TDRD7: variants seen among roughly 807,000 people sequenced by gnomAD.
The protein encoded by TDRD7 is tudor domain containing 7, also known as tudor domain-containing protein 7.
In TDRD7, 47 loss-of-function variants were observed where a neutral mutation model predicts 109.8. The observed-to-expected ratio is 0.43, with a 90% CI of 0.34 to 0.55. The LOEUF (loss-of-function observed/expected upper bound fraction) is 0.55. Among genes scored for constraint, TDRD7 ranks in the 20% least tolerant of loss-of-function variants. The probability of loss-of-function intolerance (pLI) is 0.03; values close to 1 mark genes in which losing one functional copy is unlikely to be tolerated. For synonymous variants in TDRD7, 424 were observed against 457.3 expected, an observed-to-expected ratio of 0.93 and a Z score of 0.93; for missense variants, 1,164 against 1,319.2, an observed-to-expected ratio of 0.88 and a Z score of 1.82.
At chr9:97,494,074 A>T (rs981433552) in intron 16 of TDRD7, among the ~76,000 whole-genome samples, 16 of 152,210 alleles carry the variant, frequency 1.1e-4, no homozygotes, top group African/African-American at 2.2e-4. Flanking sequence ...TTAAGAGATT[A>T]AAGTAAAGAC....
intron 16 of TDRD7, among the ~76,000 whole-genome samples, chr9:97,489,352 T>C (rs1447375915): frequency 6.6e-6 from 1 of 152,200 alleles, no homozygotes; most frequent in African/African-American, 2.4e-5. Flanking sequence ...CATTAAGGAT[T>C]AGTATGTCGT....
intron 2 of TDRD7, among the ~76,000 whole-genome samples, chr9:97,430,634 C>T (rs1828087001): frequency 6.6e-6 from 1 of 152,052 alleles, no homozygotes; most frequent in Admixed American, 6.6e-5. Flanking sequence ...TCATAGGTTG[C>T]TTTTTGTTCA....
chr9:97,445,288 G>C (rs199972777), intron 6 of TDRD7, among the ~76,000 whole-genome samples: 1 of 33,608 alleles, frequency 3.0e-5, no homozygotes, highest in African/African-American at 1.6e-4. Flanking sequence ...TGTTGTATTT[G>C]ACTTGACTGG....
At chr9:97,418,156 A>G (rs1827841015) in intron 1 of TDRD7, among the ~76,000 whole-genome samples, 1 of 152,172 alleles carries the variant, frequency 6.6e-6, no homozygotes, top group Non-Finnish European at 1.5e-5. Flanking sequence ...GAAAGTAGGA[A>G]GTATGTGTGT....
rs148039648 is a variant in TDRD7 at position 97,428,664 on chromosome 9, T to C, written c.199T>C (p.Ser67Pro). The change falls in exon 2 of 17, where the codon TCT (serine) becomes CCT (proline). Residue 67 changes from serine (S) to proline (P), a missense_variant. Physicochemically the swap from Ser to Pro is moderately conservative, Grantham distance 74. Transcript: ENST00000355295. ...AGTGGTCAGGATAGAGACTAGTAGA[T>C]CTGGAGAGGTAAGAAGGTAATTGTG... The part of the protein sequence containing the change: ...PAVVRIETSR[S>P]GEITCYAMAC... 9.9e-5 allele frequency: 159 copies of C among 1,613,428 alleles called. No individual in the cohort carries two copies. Among genetic ancestry groups the C allele is most frequent in the Non-Finnish European group, 1.2e-4 (147 of 1,179,866 alleles).
At chr9:97,480,744 T>C (rs1238941125) in intron 13 of TDRD7, 84 bp from the exon 14 acceptor site, 1 of 1,138,866 alleles carries the variant, frequency 8.8e-7, no homozygotes, top group Admixed American at 1.7e-5. Context: ...TACCATTTGA[T>C]TTGTAGGAAA....
chr9:97,437,262 G>T (rs1390607208), intron 4 of TDRD7, among the ~76,000 whole-genome samples: 1 of 152,146 alleles, frequency 6.6e-6, no homozygotes, highest in Admixed American at 6.6e-5. Context: ...GCCATGGCTG[G>T]GATCTTATCT....
At chr9:97,467,240 TA>T (rs1294987029) in intron 8 of TDRD7, among the ~76,000 whole-genome samples, 1 of 152,214 alleles carries the variant, frequency 6.6e-6, no homozygotes, top group African/African-American at 2.4e-5. Flanking sequence ...GAATCATACG[TA>T]AATCCTAATG....
chr9:97,412,364 C>G lies in TDRD7; in HGVS notation c.-7+126C>G, dbSNP rs1011106069. 2 of 152,218 alleles carry G rather than the reference C, an allele frequency of 1.3e-5. No homozygotes were observed. Among genetic ancestry groups the G allele is most frequent in the Admixed American group, 1.3e-4 (2 of 15,282 alleles). 9.4% of individuals were successfully genotyped at this position (152,218 alleles called of 1,614,324 possible). A position where few individuals can be genotyped will look rare whatever the true frequency, so the allele number is the denominator to read the frequency against. ...GGCCAGGGCCGGGGGCTCCAACAGG[C>G]TCGGGGCCTTTTCCCTGCAGCCGCA... On this transcript the variant is annotated intron_variant, in intron 1 of 16. Coordinates refer to ENST00000355295, the MANE Select transcript of TDRD7 (RefSeq NM_014290.3). The surrounding 1 kb of genome is among the most constrained non-coding windows in gnomAD (Gnocchi z 4.3).
rs1323472138 is a variant in TDRD7, at chr9:97,460,188, C to T, written c.866C>T (p.Pro289Leu). 1.2e-6 allele frequency: 2 copies of T among 1,614,088 alleles called. No individual in the cohort carries two copies. The highest frequency in any genetic ancestry group is 3.3e-5 in the Admixed American group (2 of 60,026). ...HWPHICTVEKPCSGGQDLLLY... is the reference protein window; with the variant it reads ...HWPHICTVEKLCSGGQDLLLY... ...ATTTAAAAATTTCAGGTGGAGAAACCTTGCAGTGGTGGCCAAGATTTACTT... is the reference window on the plus strand; with the variant it reads ...ATTTAAAAATTTCAGGTGGAGAAACTTTGCAGTGGTGGCCAAGATTTACTT... The change falls in exon 7 of 17, where the codon CCT becomes CTT. Residue 289 changes from proline (P) to leucine (L), a missense_variant. Around this residue, in one of 5 missense-constraint regions of TDRD7, gnomAD observed 407 missense variants for 394.0 expected, o/e 1.03. Transcript: ENST00000355295.
intron 6 of TDRD7, among the ~76,000 whole-genome samples, chr9:97,451,687 T>C (rs1334260599): frequency 6.6e-6 from 1 of 152,244 alleles, no homozygotes; most frequent in Non-Finnish European, 1.5e-5. Context: ...GAACCCCAGC[T>C]TGATCCAGGT....
chr9:97,418,118 C>CT (rs1406867656), intron 1 of TDRD7, among the ~76,000 whole-genome samples: 2 of 152,102 alleles, frequency 1.3e-5, no homozygotes, highest in Non-Finnish European at 2.9e-5. Flanking sequence ...GAGCAAGACT[C>CT]TATCTGGGGG....
In TDRD7 at chr9:97,475,556, A is replaced by G. The variant is rs1158534418; in HGVS notation, c.2166+87A>G. 20 of 927,382 alleles carry G rather than the reference A, an allele frequency of 2.2e-5. No individual in the cohort carries two copies. In the East Asian group the frequency reaches 5.0e-4, roughly 23 times the overall value. 57.4% of individuals were successfully genotyped at this position (927,382 alleles called of 1,614,324 possible). ...ATAGGTTTTTTTAAAAAATTGAATA[A>G]ATACTCACAGACTCATCATCAGTTT... On this transcript the variant is annotated intron_variant, in intron 12 of 16. Transcript: ENST00000355295.
chr9:97,484,486 A>C (rs1471932519), intron 15 of TDRD7, among the ~76,000 whole-genome samples: 13 of 149,416 alleles, frequency 8.7e-5, no homozygotes, highest in Admixed American at 1.3e-4. Flanking sequence ...ACACACACAC[A>C]CACACACCCC....
At position 97,460,381 on chromosome 9, in the gene TDRD7, A is replaced by G. The variant is rs757605890; in HGVS notation, c.1059A>G (p.Thr353=). ...EKVADLLVKY[T]SGLWASALPK... is the part of the protein sequence containing the mutation. ...TGGCAGACCTGCTGGTGAAATACACAAGTGGCCTTTGGGCCAGTGCACTTC... is the reference window on the plus strand; with the variant it reads ...TGGCAGACCTGCTGGTGAAATACACGAGTGGCCTTTGGGCCAGTGCACTTC... Residue 353 remains threonine, a synonymous_variant, in exon 7 of 17, where the codon ACA becomes ACG. Transcript: ENST00000355295. 2 of 1,614,204 alleles carry G rather than the reference A, an allele frequency of 1.2e-6. No homozygotes were observed. The highest frequency in any genetic ancestry group is 3.3e-5 in the Admixed American group (2 of 60,028).
chr9:97,432,175 T>C lies in TDRD7; in HGVS notation c.500T>C (p.Leu167Pro), dbSNP rs1828115512. The C allele has an allele frequency of 6.2e-7, 1 of 1,613,838 alleles. No individual in the cohort carries two copies. The highest frequency in any genetic ancestry group is 8.5e-7 in the Non-Finnish European group (1 of 1,179,784). The change falls in exon 4 of 17, where the codon CTT becomes CCT. Residue 167 changes from leucine (L) to proline (P), a missense_variant. By Grantham distance (98) the Leu-to-Pro change is moderately conservative (BLOSUM62 -3). This residue lies in a region of TDRD7 where 407 missense variants were observed against 394.0 expected (regional missense o/e 1.03). Transcript: ENST00000355295. ...TCTCCTTATATGCTACACACAACTCTTGGAAATGAAGCATTCAAAGACATT... is the reference window on the plus strand; with the variant it reads ...TCTCCTTATATGCTACACACAACTCCTGGAAATGAAGCATTCAAAGACATT... ...EMSPYMLHTT[L>P]GNEAFKDIPV...
At chr9:97,438,208 A>G (rs1217245847) in intron 4 of TDRD7, among the ~76,000 whole-genome samples, 3 of 152,196 alleles carry the variant, frequency 2.0e-5, no homozygotes, top group Non-Finnish European at 4.4e-5. Context: ...AGATATATTA[A>G]TATAGAAATA....
intron 8 of TDRD7, 39 bp from the exon 9 acceptor site, chr9:97,470,519 A>G (rs374974252): frequency 5.8e-6 from 9 of 1,546,690 alleles, no homozygotes; most frequent in East Asian, 2.2e-5. Flanking sequence ...TTTTAAAGAG[A>G]GGATAAAGAA....
In TDRD7 at chr9:97,460,239, T is replaced by C. The variant is rs1166392035; in HGVS notation, c.917T>C (p.Leu306Pro). The change falls in exon 7 of 17, where the codon CTT becomes CCT. Residue 306 changes from leucine (L) to proline (P), a missense_variant. By Grantham distance (98) the Leu-to-Pro change is moderately conservative. Coordinates refer to ENST00000355295, the MANE Select transcript of TDRD7 (RefSeq NM_014290.3). ...CTTTATCCAGCTAAGAGAAAGCAGC[T>C]TTTGAGAAGTGAACTGGATACTGAG... ...LLLYPAKRKQ[L>P]LRSELDTEKV... 2 of 1,614,226 alleles carry C rather than the reference T, an allele frequency of 1.2e-6. No individual in the cohort carries two copies. Among genetic ancestry groups the C allele is most frequent in the Non-Finnish European group, 1.7e-6 (2 of 1,180,052 alleles).
Sources: gnomAD v4.1 joint callset for allele counts (sites outside exome capture counted in the v4.1 genomes callset) on GRCh38, gnomAD v4.1.1 for gene constraint, gnomAD v4.1.1 regional missense constraint, Gnocchi (gnomAD v3.1) non-coding constraint, MANE v1.5 for transcripts, NCBI Gene and HGNC (gene_info 2026-07-23, HGNC 2026-07-21) for gene names.